The following RARB variants were observed in gnomAD, a reference collection of about 807,000 sequenced individuals.
RARB encodes retinoic acid receptor beta.
A neutral mutation model predicts 51.9 loss-of-function variants in RARB; 17 were observed. The ratio of observed to expected loss-of-function variants is 0.33; its 90% CI spans 0.22 to 0.49. The LOEUF is 0.49. RARB is among the 20% of genes least tolerant of loss of function. The probability of loss-of-function intolerance (pLI) is 0.99; values close to 1 mark genes in which losing one functional copy is unlikely to be tolerated. For missense variants in RARB, 369 were observed against 550.8 expected, an observed-to-expected ratio of 0.67 and a Z score of 3.30; for synonymous variants, 215 against 195.4, an observed-to-expected ratio of 1.10 and a Z score of -0.84.
At chr3:25,051,071 T>C (rs1002471464) in intron 2 of RARB, among the ~76,000 whole-genome samples, 4 of 152,170 alleles carry the variant, frequency 2.6e-5, no homozygotes, top group Non-Finnish European at 5.9e-5. Flanking sequence ...GAAATGTGTA[T>C]CTTTGATATG....
At chr3:25,045,077 A>G (rs1421664914) in intron 2 of RARB, among the ~76,000 whole-genome samples, 1 of 152,226 alleles carries the variant, frequency 6.6e-6, no homozygotes, top group African/African-American at 2.4e-5. Flanking sequence ...TGGTTATTTC[A>G]GTGGCATCAG....
intron 2 of RARB, among the ~76,000 whole-genome samples, chr3:24,978,773 T>C (rs1488867687): frequency 6.6e-6 from 1 of 152,086 alleles, no homozygotes; most frequent in Non-Finnish European, 1.5e-5. Flanking sequence ...CTGATCTTAG[T>C]TATTTCTTAT....
chr3:25,373,350 G>A (rs1706360360), intron 5 of RARB, among the ~76,000 whole-genome samples: 5 of 152,136 alleles, frequency 3.3e-5, no homozygotes, highest in African/African-American at 1.2e-4. Context: ...TAAGCTGGAT[G>A]AGAAACCAAC....
chr3:25,354,018 C>T (rs1705655183), intron 5 of RARB, among the ~76,000 whole-genome samples: 1 of 151,994 alleles, frequency 6.6e-6, no homozygotes, highest in Non-Finnish European at 1.5e-5. Context: ...ACCCTCTCCC[C>T]ATTCCTTTCC....
At chr3:25,410,029 A>T (rs1292512720) in intron 5 of RARB, among the ~76,000 whole-genome samples, 1 of 152,226 alleles carries the variant, frequency 6.6e-6, no homozygotes, top group African/African-American at 2.4e-5. Context: ...AGCACTGCTT[A>T]TACCAGCCCA....
At chr3:25,270,037 G>A (rs893719795) in intron 5 of RARB, among the ~76,000 whole-genome samples, 1 of 152,186 alleles carries the variant, frequency 6.6e-6, no homozygotes, top group Non-Finnish European at 1.5e-5. Context: ...GGATAAATTG[G>A]AACCTTGTGT....
At chr3:25,215,410 C>T (rs180921146) in intron 5 of RARB, among the ~76,000 whole-genome samples, 35 of 152,222 alleles carry the variant, frequency 2.3e-4, no homozygotes, top group Non-Finnish European at 4.3e-4. Context: ...ATGGAAAAGA[C>T]CATAATTTAT....
chr3:25,213,577 A>G (rs1701749614), intron 5 of RARB, among the ~76,000 whole-genome samples: 2 of 152,194 alleles, frequency 1.3e-5, no homozygotes, highest in Admixed American at 1.3e-4. Context: ...GTATCTACCT[A>G]GAAGTGAAAT....
intron 3 of RARB, among the ~76,000 whole-genome samples, chr3:25,550,254 C>G (rs778004218): frequency 6.6e-6 from 1 of 152,086 alleles, no homozygotes; most frequent in Admixed American, 6.6e-5. Flanking sequence ...TTTCCTAAAG[C>G]CTTGAGGAAA....
chr3:25,015,732 G>T (rs905992044), intron 2 of RARB, among the ~76,000 whole-genome samples: 7 of 152,140 alleles, frequency 4.6e-5, no homozygotes, highest in African/African-American at 1.7e-4. Flanking sequence ...TTTTTGGTCA[G>T]ACAGGAAGTA....
intron 2 of RARB, among the ~76,000 whole-genome samples, chr3:24,967,560 T>G (rs1380140134): frequency 6.6e-6 from 1 of 152,272 alleles, no homozygotes; most frequent in Middle Eastern, 3.4e-3. Flanking sequence ...GGATAGAGAA[T>G]GAACTGGTTG....
At chr3:25,154,977 A>G (rs1700350820) in intron 4 of RARB, among the ~76,000 whole-genome samples, 1 of 152,182 alleles carries the variant, frequency 6.6e-6, no homozygotes, top group South Asian at 2.1e-4. Context: ...AGGACCTAAC[A>G]CATAGCAAGT....
chr3:25,516,809 C>T (rs747496480), intron 3 of RARB, among the ~76,000 whole-genome samples: 3 of 151,922 alleles, frequency 2.0e-5, no homozygotes, highest in Non-Finnish European at 2.9e-5. Context: ...GTATTTTTAG[C>T]AGAAATAGGG....
intron 2 of RARB, among the ~76,000 whole-genome samples, chr3:24,936,934 A>C (rs1479182495): frequency 6.6e-6 from 1 of 152,218 alleles, no homozygotes; most frequent in Non-Finnish European, 1.5e-5. Flanking sequence ...TTCCAAAGGA[A>C]AAGGCCATTC....
intron 2 of RARB, among the ~76,000 whole-genome samples, chr3:24,977,926 C>T (rs1171827305): frequency 1.3e-5 from 2 of 152,214 alleles, no homozygotes; most frequent in Non-Finnish European, 1.5e-5. Context: ...GAGATGCATT[C>T]CATCAGTACC....
At chr3:25,537,460 A>G (rs1699187715) in intron 3 of RARB, among the ~76,000 whole-genome samples, 1 of 152,180 alleles carries the variant, frequency 6.6e-6, no homozygotes, top group Non-Finnish European at 1.5e-5. Context: ...TATAGTCTAC[A>G]TTCGCAATAC....
rs1705466373 is a variant in RARB, at chr3:25,348,539, G to A, written c.179-112654G>A. On this transcript the variant is annotated intron_variant, in intron 5 of 11. Coordinates refer to the RARB transcript ENST00000383772. Reference sequence around the variant, plus strand: ...ATATAATTTGTAAATCCACCAGTGGGTTTAAGTAAAAAATACTGCAAGCTG... The same window carrying A: ...ATATAATTTGTAAATCCACCAGTGGATTTAAGTAAAAAATACTGCAAGCTG... Among the ~76,000 whole-genome samples the A allele has an allele frequency of 2.0e-5, 3 of 152,000 alleles. No homozygotes were observed. The South Asian group carries it at 6.2e-4, about 32-fold the overall frequency.
At chr3:25,140,489 T>C (rs73048413) in intron 4 of RARB, among the ~76,000 whole-genome samples, 12,591 of 152,150 alleles carry the variant, frequency 0.083, 667 homozygotes, top group Non-Finnish European at 0.13. Context: ...GTTGCTACGG[T>C]CTCAAGATCA....
At chr3:25,009,467 C>T (rs1055470224) in intron 2 of RARB, among the ~76,000 whole-genome samples, 8 of 152,014 alleles carry the variant, frequency 5.3e-5, no homozygotes, top group African/African-American at 9.7e-5. Flanking sequence ...TAATTGTGAT[C>T]GGCATAAAAA....
Sources: gnomAD v4.1 joint callset for allele counts (sites outside exome capture counted in the v4.1 genomes callset) on GRCh38, gnomAD v4.1.1 for gene constraint, MANE v1.5 for transcripts, NCBI Gene and HGNC (gene_info 2026-07-23, HGNC 2026-07-21) for gene names.